Variants in DPY19L2 observed in about 807,000 individuals in gnomAD.
The protein encoded by DPY19L2 is dpy-19 like 2.
Under a neutral mutation model 97.9 loss-of-function variants are expected in DPY19L2, and 34 were observed. The ratio of observed to expected loss-of-function variants is 0.35; its 90% confidence interval spans 0.26 to 0.46. The LOEUF (loss-of-function observed/expected upper bound fraction) is 0.46. DPY19L2 is among the 20% of genes least tolerant of loss of function. DPY19L2 has a pLI of 1.00. For synonymous variants in DPY19L2, 230 were observed against 307.9 expected (o/e 0.75, Z 2.65); for missense variants, 623 against 911.4 (o/e 0.68, Z 4.07).
chr12:63,656,260 G>A (rs1299923653), intron 4 of DPY19L2, among the ~76,000 whole-genome samples: 2 of 152,126 alleles, frequency 1.3e-5, no homozygotes, highest in Non-Finnish European at 2.9e-5. Context: ...TATAGCTGGA[G>A]GAACACAATT....
intron 6 of DPY19L2, among the ~76,000 whole-genome samples, chr12:63,631,487 A>T (rs1165301078): frequency 6.6e-6 from 1 of 152,112 alleles, no homozygotes; most frequent in Non-Finnish European, 1.5e-5. Flanking sequence ...ATTCCTGGAA[A>T]TATACACCCT....
chr12:63,589,356 G>GAA (rs1882429606), intron 16 of DPY19L2, among the ~76,000 whole-genome samples: 5 of 6,228 alleles, frequency 8.0e-4, no homozygotes, highest in Admixed American at 2.4e-3. Flanking sequence ...AAAATGTGTT[G>GAA]CAAAAAAAAA....
At chr12:63,619,172 G>A (rs1888292277) in intron 9 of DPY19L2, among the ~76,000 whole-genome samples, 1 of 152,084 alleles carries the variant, frequency 6.6e-6, no homozygotes, top group South Asian at 2.1e-4. Context: ...CAGGCATGGT[G>A]GCTCACGCCT....
rs1889551470 is a variant in DPY19L2 at position 63,626,500 on chromosome 12, G to C, written c.830C>G (p.Thr277Arg). The part of the protein sequence containing the change: ...LSGTQLGGLI[T>R]VLCFFFNHGE... Reference sequence around the variant, plus strand: ...ATGGTTGAAAAAGAAGCACAGTACTGTAATAAGACCTCCCAGTTGAGTCCC... The same window carrying C: ...ATGGTTGAAAAAGAAGCACAGTACTCTAATAAGACCTCCCAGTTGAGTCCC... Residue 277 changes from threonine to arginine, a missense_variant, in exon 7 of 22, where the codon ACA becomes AGA. Thr to Arg is a moderately conservative substitution (Grantham distance 71, BLOSUM62 -1). Around this residue, in one of 6 missense-constraint regions of DPY19L2, gnomAD observed 67 missense variants for 88.0 expected, o/e 0.76. Coordinates refer to ENST00000324472, the MANE Select transcript of DPY19L2 (RefSeq NM_173812.5). 1 of 1,542,142 alleles carries C rather than the reference G, an allele frequency of 6.5e-7. No homozygotes were observed. Among genetic ancestry groups the C allele is most frequent in the African/African-American group, 1.5e-5 (1 of 67,400 alleles).
chr12:63,577,914 C>G (rs1880152411), intron 19 of DPY19L2, among the ~76,000 whole-genome samples: 1 of 152,042 alleles, frequency 6.6e-6, no homozygotes, highest in African/African-American at 2.4e-5. Context: ...AATAGAGTTA[C>G]AAAATGATCC....
intron 6 of DPY19L2, among the ~76,000 whole-genome samples, chr12:63,629,257 C>T (rs1042634416): frequency 2.6e-5 from 4 of 152,112 alleles, no homozygotes; most frequent in Non-Finnish European, 5.9e-5. Context: ...TTCAGATGAT[C>T]GAACTACTCT....
chr12:63,586,479 A>C (rs1374982157), intron 16 of DPY19L2, among the ~76,000 whole-genome samples: 1 of 152,212 alleles, frequency 6.6e-6, no homozygotes, highest in Non-Finnish European at 1.5e-5. Context: ...GTGTCTAGGC[A>C]GGGGCAAGTA....
chr12:63,593,526 AAAC>A lies in DPY19L2; in HGVS notation c.1580+558_1580+560del, dbSNP rs1424277586. Among the ~76,000 whole-genome samples the A allele has an allele frequency of 8.5e-5, 13 of 152,268 alleles. No individual in the cohort carries two copies. In the East Asian group the frequency reaches 2.5e-3, roughly 29 times the overall value. On this transcript the variant is annotated intron_variant, in intron 16 of 21. Transcript: ENST00000324472. ...GAAATTGGAAATCATCATTCTCAGT[AAAC>A]GATTGCAAGAACAAAAAACCAAACA...
chr12:63,620,506 AC>A (rs1888514955), intron 9 of DPY19L2, among the ~76,000 whole-genome samples: 1 of 152,212 alleles, frequency 6.6e-6, no homozygotes, highest in South Asian at 2.1e-4. Flanking sequence ...TAAAAATAAT[AC>A]AAAAAGTCTT....
intron 19 of DPY19L2, among the ~76,000 whole-genome samples, chr12:63,580,193 T>C (rs1300176660): frequency 6.6e-6 from 1 of 152,096 alleles, no homozygotes; most frequent in Non-Finnish European, 1.5e-5. Context: ...GCCAATGACC[T>C]GTTTTACAGA....
intron 4 of DPY19L2, among the ~76,000 whole-genome samples, chr12:63,658,611 A>G (rs1306032662): frequency 6.6e-6 from 1 of 152,112 alleles, no homozygotes; most frequent in African/African-American, 2.4e-5. Context: ...AGAAACCCCA[A>G]TAAAAGCGAT....
At position 63,559,873 on chromosome 12, in the gene DPY19L2, A is replaced by T. The variant is rs1434414190; in HGVS notation, c.*639T>A. The T allele has an allele frequency of 3.3e-5, 5 of 152,174 alleles. No individual in the cohort carries two copies. Among genetic ancestry groups the T allele is most frequent in the Non-Finnish European group, 7.4e-5 (5 of 68,008 alleles). 9.4% of individuals were successfully genotyped at this position (152,174 alleles called of 1,614,324 possible). A position where few individuals can be genotyped will look rare whatever the true frequency, so the allele number is the denominator to read the frequency against. On this transcript the variant is annotated 3_prime_UTR_variant, in exon 22 of 22. Coordinates refer to ENST00000324472, the MANE Select transcript of DPY19L2 (RefSeq NM_173812.5). ...GAGAACTAACCAGTGGCAAATATGT[A>T]TCTAGTGGGGTAAACACATCTCAAG...
intron 16 of DPY19L2, among the ~76,000 whole-genome samples, chr12:63,593,008 A>G (rs1228829007): frequency 1.3e-5 from 2 of 151,522 alleles, no homozygotes; most frequent in East Asian, 1.9e-4. Flanking sequence ...TCAAAAGAAG[A>G]CATTTATGCA....
intron 12 of DPY19L2, among the ~76,000 whole-genome samples, chr12:63,606,889 T>C (rs1886129618): frequency 6.6e-6 from 1 of 152,024 alleles, no homozygotes; most frequent in Non-Finnish European, 1.5e-5. Flanking sequence ...AAAACTGGAG[T>C]CTCCCATTAA....
chr12:63,604,238 T>G (rs1385885669), intron 12 of DPY19L2, among the ~76,000 whole-genome samples: 1 of 152,168 alleles, frequency 6.6e-6, no homozygotes, highest in Non-Finnish European at 1.5e-5. Flanking sequence ...AGGTGATGTG[T>G]CATTTCTCCA....
intron 12 of DPY19L2, among the ~76,000 whole-genome samples, chr12:63,604,699 A>T (rs1256779114): frequency 3.3e-5 from 5 of 150,056 alleles, no homozygotes; most frequent in African/African-American, 7.3e-5. Flanking sequence ...GTTCTTTCTT[A>T]AAAAAAAAAT....
At chr12:63,592,430 C>T (rs1362346990) in intron 16 of DPY19L2, among the ~76,000 whole-genome samples, 2 of 148,214 alleles carry the variant, frequency 1.3e-5, no homozygotes, top group African/African-American at 2.5e-5. Context: ...GGTACTGGTA[C>T]CAAAACAGAG....
chr12:63,631,112 G>A (rs181204302), intron 6 of DPY19L2, among the ~76,000 whole-genome samples: 1 of 152,026 alleles, frequency 6.6e-6, no homozygotes, highest in South Asian at 2.1e-4. Context: ...ACAAGAGAAA[G>A]CAGGACAGAT....
chr12:63,640,956 A>G (rs1892603837), intron 6 of DPY19L2, among the ~76,000 whole-genome samples: 2 of 152,092 alleles, frequency 1.3e-5, no homozygotes, highest in Admixed American at 6.6e-5. Context: ...GCAGTGGCGC[A>G]ATGTCGGCTC....
Sources: allele counts gnomAD v4.1 joint callset (sites outside exome capture counted in the v4.1 genomes callset), GRCh38; gene constraint gnomAD v4.1.1; regional missense constraint gnomAD v4.1.1; transcripts MANE v1.5; gene names NCBI Gene and HGNC (gene_info 2026-07-23, HGNC 2026-07-21).